Variants in TRAP1 observed in about 807,000 individuals in gnomAD.
TRAP1 encodes TNF receptor associated protein 1, also known as heat shock protein 75 kDa, mitochondrial.
In TRAP1, 102 loss-of-function variants were observed where a neutral mutation model predicts 89.1. The observed-to-expected ratio is 1.15, with a 90% CI of 0.98 to 1.35. The LOEUF (loss-of-function observed/expected upper bound fraction) is 1.35, where lower values mean the gene tolerates loss of function less well. Among genes scored for constraint, TRAP1 ranks in the 40% most tolerant of loss-of-function variants. The pLI is 0.00. For missense variants in TRAP1, 1,256 were observed against 945.3 expected (o/e 1.33, Z -4.31); for synonymous variants, 508 against 388.0 (o/e 1.31, Z -3.64).
intron 1 of TRAP1, among the ~76,000 whole-genome samples, chr16:3,694,990 G>C (rs1169154351): frequency 2.6e-5 from 4 of 152,108 alleles, no homozygotes; most frequent in Admixed American, 2.0e-4. Flanking sequence ...GGCGTTGCTT[G>C]GCTTGTGGGT....
chr16:3,679,726 C>T lies in TRAP1; in HGVS notation c.536G>A (p.Gly179Glu). 1 of 1,614,102 alleles carries T rather than the reference C, an allele frequency of 6.2e-7. No homozygotes were observed. The highest frequency in any genetic ancestry group is 2.2e-5 in the East Asian group (1 of 44,880). Residue 179 changes from glycine (G) to glutamate (E), a missense_variant, in exon 5 of 18, where the codon GGG (glycine) becomes GAG (glutamate). Transcript: ENST00000246957. ...TGGGGGCCCCACGCTTACCTTTGACCCCGATCTGGCAATCGTCCCCAGGTT... is the reference window on the plus strand; with the variant it reads ...TGGGGGCCCCACGCTTACCTTTGACTCCGATCTGGCAATCGTCCCCAGGTT... ...VSNLGTIARSGSKAFLDALQN... is the reference protein window; with the variant it reads ...VSNLGTIARSESKAFLDALQN...
At position 3,672,741 on chromosome 16, in the gene TRAP1, T is replaced by G; in HGVS notation, c.1124A>C (p.Lys375Thr). 3 of 1,611,066 alleles carry G rather than the reference T, an allele frequency of 1.9e-6. No homozygotes were observed. The change falls in exon 10 of 18, where the codon AAG becomes ACG. Residue 375 changes from lysine (K) to threonine (T), a missense_variant. By Grantham distance (78) the Lys-to-Thr change is moderately conservative (BLOSUM62 -1). Transcript: ENST00000246957. ...LYSRKVLIQT[K>T]ATDILPKWLR... Reference sequence around the variant, plus strand: ...CCACTTGGGCAGGATGTCCGTGGCCTTGGTCTGGATGAGGACTTTGCGGCT... The same window carrying G: ...CCACTTGGGCAGGATGTCCGTGGCCGTGGTCTGGATGAGGACTTTGCGGCT...
chr16:3,713,653 T>A (rs912038221), intron 1 of TRAP1, among the ~76,000 whole-genome samples: 1 of 152,242 alleles, frequency 6.6e-6, no homozygotes, highest in African/African-American at 2.4e-5. Flanking sequence ...TTGGTGATTG[T>A]GGCAGTCACC....
chr16:3,678,104 C>G (rs2151258708), intron 5 of TRAP1: 1 of 165,346 alleles, frequency 6.0e-6, no homozygotes, highest in East Asian at 1.8e-4. Flanking sequence ...GCGCATGCGT[C>G]TGTAAGCACC....
chr16:3,672,651 G>A (rs1460474375), intron 10 of TRAP1, 49 bp downstream of exon 10: 9 of 1,569,168 alleles, frequency 5.7e-6, no homozygotes, highest in Non-Finnish European at 6.0e-6. Context: ...AGATGCAGCG[G>A]GCGACACTGG....
intron 12 of TRAP1, among the ~76,000 whole-genome samples, chr16:3,665,649 CT>C (rs2050813950): frequency 6.6e-6 from 1 of 152,182 alleles, no homozygotes. Context: ...CTGTCTGTGG[CT>C]CCCCAGCCCC....
At chr16:3,675,429 T>C in intron 7 of TRAP1, 32 bp from the exon 8 acceptor site, 1 of 1,609,750 alleles carries the variant, frequency 6.2e-7, no homozygotes, top group Middle Eastern at 1.7e-4. Context: ...CCACACTGCA[T>C]CTACAATGCT....
At chr16:3,662,621 C>T (rs1010992821) in intron 15 of TRAP1, 2 of 660,214 alleles carry the variant, frequency 3.0e-6, no homozygotes, top group African/African-American at 1.8e-5. Flanking sequence ...CATTGCAGCT[C>T]CCACTCAGGA....
At chr16:3,708,981 A>G (rs2051489240) in intron 1 of TRAP1, among the ~76,000 whole-genome samples, 1 of 151,642 alleles carries the variant, frequency 6.6e-6, no homozygotes, top group African/African-American at 2.4e-5. Flanking sequence ...ATGCCCAGAT[A>G]ATTTTTTGTA....
intron 1 of TRAP1, among the ~76,000 whole-genome samples, chr16:3,699,271 T>C (rs993269111): frequency 2.6e-5 from 4 of 152,232 alleles, no homozygotes; most frequent in African/African-American, 7.2e-5. Flanking sequence ...CAGGCCTCCC[T>C]GGCCCCAGCA....
At chr16:3,663,279 C>G (rs1273617523) in intron 14 of TRAP1, 145 bp downstream of exon 14, 1 of 1,071,082 alleles carries the variant, frequency 9.3e-7, no homozygotes, top group East Asian at 2.5e-5. Flanking sequence ...CCTCCAGTCA[C>G]CAGGGTGCTC....
chr16:3,686,351 T>C (rs1473568542), intron 3 of TRAP1, among the ~76,000 whole-genome samples: 1 of 152,080 alleles, frequency 6.6e-6, no homozygotes, highest in Non-Finnish European at 1.5e-5. Flanking sequence ...TCTTTGAGAG[T>C]CTCACTCTGT....
Position 3,707,536 on chromosome 16 carries a change from T to C in TRAP1, c.88+9885A>G, listed in dbSNP as rs147899487. Reference sequence around the variant, plus strand: ...TATATAACCCAAAAGGCCATAAATATAAGGACCACATAAAAATTTAAGTCA... The same window carrying C: ...TATATAACCCAAAAGGCCATAAATACAAGGACCACATAAAAATTTAAGTCA... On this transcript the variant is annotated intron_variant, in intron 1 of 17. Coordinates refer to ENST00000246957, the MANE Select transcript of TRAP1 (RefSeq NM_016292.3). 1.5e-3 allele frequency among the ~76,000 whole-genome samples: 233 copies of C among 151,552 alleles called. 3 individuals carry two copies. The highest frequency in any genetic ancestry group is 5.3e-3 in the African/African-American group (218 of 41,336).
intron 1 of TRAP1, among the ~76,000 whole-genome samples, chr16:3,699,559 G>T (rs2051336930): frequency 6.8e-6 from 1 of 147,586 alleles, no homozygotes; most frequent in Non-Finnish European, 1.5e-5. Flanking sequence ...CCACGAGGCA[G>T]AGGTTGCGGT....
chr16:3,671,366 A>C (rs1413046746), intron 11 of TRAP1, among the ~76,000 whole-genome samples: 2 of 152,252 alleles, frequency 1.3e-5, no homozygotes, highest in African/African-American at 4.8e-5. Flanking sequence ...AGTGATAGCT[A>C]CTGATGGAGA....
chr16:3,661,981 CCTCACCTGGGGTTGATCTCCAGCGTGGG>C lies in TRAP1; in HGVS notation c.1918_1940+5del. The stretch of plus-strand genomic sequence containing the variant: ...CAGGCTGGAAGAGCCAGGAGCGTGG[CCTCACCTGGGGTTGATCTCCAGCGTGGG>C]CTGCAGGAGCTGTGCGCGCTCCTCC... On this transcript the variant is annotated splice_donor_variant and splice_donor_5th_base_variant and coding_sequence_variant and intron_variant, in exon 16 of 18. Transcript: ENST00000246957. LOFTEE classifies it high-confidence loss of function. The C allele has an allele frequency of 6.3e-7, 1 of 1,597,364 alleles. No homozygotes were observed.
At chr16:3,705,944 C>T (rs564596933) in intron 1 of TRAP1, among the ~76,000 whole-genome samples, 9 of 151,246 alleles carry the variant, frequency 6.0e-5, no homozygotes, top group Admixed American at 3.3e-4. Context: ...CGGCCCACCT[C>T]GGCCTCCCAA....
intron 1 of TRAP1, among the ~76,000 whole-genome samples, chr16:3,692,837 G>A (rs1010934865): frequency 4.0e-5 from 6 of 151,870 alleles, no homozygotes; most frequent in Non-Finnish European, 5.9e-5. Flanking sequence ...GACCTCAGGC[G>A]ATCTGCCCAC....
chr16:3,671,086 A>G (rs2151250466), intron 11 of TRAP1, among the ~76,000 whole-genome samples: 1 of 152,254 alleles, frequency 6.6e-6, no homozygotes, highest in East Asian at 1.9e-4. Context: ...GGCCCGTTCC[A>G]TGGCATGCTG....
Sources: gnomAD v4.1 joint callset for allele counts (sites outside exome capture counted in the v4.1 genomes callset) on GRCh38, gnomAD v4.1.1 for gene constraint, MANE v1.5 for transcripts, NCBI Gene and HGNC (gene_info 2026-07-23, HGNC 2026-07-21) for gene names.